Variants in IFI16 observed in about 807,000 individuals in gnomAD.
IFI16 encodes the protein gamma-interferon-inducible protein 16.
A neutral mutation model predicts 68.4 loss-of-function variants in IFI16; 49 were observed. The ratio of observed to expected loss-of-function variants is 0.72; its 90% CI spans 0.57 to 0.91. The LOEUF (loss-of-function observed/expected upper bound fraction) is 0.91, where lower values mean the gene tolerates loss of function less well. IFI16 is among the 40% of genes least tolerant of loss of function. IFI16 has a pLI of 0.00. For missense variants in IFI16, 878 were observed against 942.9 expected, an observed-to-expected ratio of 0.93 and a Z score of 0.90; for synonymous variants, 307 against 315.0, an observed-to-expected ratio of 0.97 and a Z score of 0.27.
intron 1 of IFI16, among the ~76,000 whole-genome samples, chr1:159,011,091 T>C (rs922906671): frequency 6.6e-6 from 1 of 152,170 alleles, no homozygotes; most frequent in Non-Finnish European, 1.5e-5. Context: ...TTATAAAGTT[T>C]GCTTTTTTGG....
At chr1:159,044,187 CAT>C (rs1401383653) in intron 7 of IFI16, among the ~76,000 whole-genome samples, 1 of 152,140 alleles carries the variant, frequency 6.6e-6, no homozygotes, top group African/African-American at 2.4e-5. Flanking sequence ...TCCCATCTCA[CAT>C]GTGGGAAAAC....
intron 8 of IFI16, among the ~76,000 whole-genome samples, chr1:159,048,967 G>T (rs1307964061): frequency 2.0e-5 from 3 of 151,352 alleles, no homozygotes; most frequent in African/African-American, 4.8e-5. Context: ...TCCTGTTATG[G>T]CTACGATCAG....
At chr1:159,029,548 G>T (rs1392280603) in intron 6 of IFI16, among the ~76,000 whole-genome samples, 1 of 152,064 alleles carries the variant, frequency 6.6e-6, no homozygotes, top group Non-Finnish European at 1.5e-5. Context: ...GGAAAGCCAG[G>T]GAAGTTTTCC....
chr1:159,051,998 C>T lies in IFI16; in HGVS notation c.1985C>T (p.Pro662Leu), dbSNP rs1655393656. Residue 662 changes from proline to leucine, a missense_variant, in exon 10 of 12, where the codon CCA (proline) becomes CTA (leucine). Physicochemically the swap from Pro to Leu is moderately conservative, Grantham distance 98. This residue lies in a region of IFI16 where 311 missense variants were observed against 305.1 expected (regional missense o/e 1.02). Coordinates refer to ENST00000295809, the MANE Select transcript of IFI16 (RefSeq NM_001376587.1). The stretch of plus-strand genomic sequence containing the variant: ...AATGCTGACCGAAACATGGAGATCC[C>T]AAAAGGATTGATTAGAAGTGCCAGC... ...DVNADRNMEI[P>L]KGLIRSASVT... 1 of 1,613,974 alleles carries T rather than the reference C, an allele frequency of 6.2e-7. No individual in the cohort carries two copies. The highest frequency in any genetic ancestry group is 8.5e-7 in the Non-Finnish European group (1 of 1,179,916).
chr1:159,016,527 T>C lies in IFI16; in HGVS notation c.382-6T>C. On this transcript the variant is annotated splice_region_variant and splice_polypyrimidine_tract_variant and intron_variant, in intron 3 of 11. Transcript: ENST00000295809. ...ACGAATAACAGGAAAATCAAACCAC[T>C]TTCAGAAAAGAAAAAAATCAACCAA... The C allele has an allele frequency of 6.2e-7, 1 of 1,602,524 alleles. No individual in the cohort carries two copies. The highest frequency in any genetic ancestry group is 8.5e-7 in the Non-Finnish European group (1 of 1,175,754).
chr1:159,004,983 T>C (rs905541502), upstream of IFI16, among the ~76,000 whole-genome samples: 6 of 152,202 alleles, frequency 3.9e-5, no homozygotes, highest in Non-Finnish European at 8.8e-5. Flanking sequence ...TCAAAAATAA[T>C]GTTGAAACTT....
At chr1:159,017,059 G>A (rs1368373745) in intron 4 of IFI16, among the ~76,000 whole-genome samples, 1 of 152,152 alleles carries the variant, frequency 6.6e-6, no homozygotes, top group Non-Finnish European at 1.5e-5. Context: ...TTGTGAATGA[G>A]GTTATCCATA....
chr1:159,015,062 C>G (rs1256904245), intron 2 of IFI16, 117 bp downstream of exon 2: 1 of 971,124 alleles, frequency 1.0e-6, no homozygotes, highest in Admixed American at 2.4e-5. Context: ...TGTGACTCAA[C>G]AGCTGAGACA....
chr1:159,035,717 C>T (rs1654286212), intron 7 of IFI16, among the ~76,000 whole-genome samples: 1 of 150,798 alleles, frequency 6.6e-6, no homozygotes, highest in African/African-American at 2.4e-5. Context: ...GCTCTATATT[C>T]ATTGAGATTT....
chr1:159,020,846 CG>C (rs1389882969), intron 6 of IFI16, among the ~76,000 whole-genome samples: 103 of 148,824 alleles, frequency 6.9e-4, no homozygotes, highest in Non-Finnish European at 1.3e-3. Context: ...TAGAAAACGT[CG>C]TGTGTGTGTG....
intron 7 of IFI16, among the ~76,000 whole-genome samples, chr1:159,044,790 T>G (rs1654878958): frequency 6.6e-6 from 1 of 152,188 alleles, no homozygotes; most frequent in Non-Finnish European, 1.5e-5. Flanking sequence ...TCATAGAACC[T>G]TCCCTGAGGA....
chr1:159,006,717 T>C (rs938005877), upstream of IFI16, among the ~76,000 whole-genome samples: 67 of 152,142 alleles, frequency 4.4e-4, no homozygotes, highest in African/African-American at 1.5e-3. Flanking sequence ...CGAGTTAGAG[T>C]AAAAACAAGG....
chr1:159,028,314 G>T (rs1353162297), intron 6 of IFI16, among the ~76,000 whole-genome samples: 1 of 152,014 alleles, frequency 6.6e-6, no homozygotes, highest in Non-Finnish European at 1.5e-5. Context: ...CCATGTATTT[G>T]CATGGTTTTA....
chr1:159,027,657 C>G (rs576627609), intron 6 of IFI16, among the ~76,000 whole-genome samples: 55 of 152,198 alleles, frequency 3.6e-4, no homozygotes, highest in African/African-American at 1.3e-3. Context: ...TCCATCTGGT[C>G]CTGGGCTTTT....
rs1250012196 is a variant in IFI16, at chr1:159,054,914, A to T, written c.*13A>T. The T allele has an allele frequency of 1.4e-6, 2 of 1,469,742 alleles. No homozygotes were observed. The highest frequency in any genetic ancestry group is 2.3e-5 in the East Asian group (1 of 44,092). The allele number at this position is 1,469,742 out of a possible 1,614,324, so 91.0% of individuals were successfully genotyped here. On this transcript the variant is annotated 3_prime_UTR_variant, in exon 12 of 12. Transcript: ENST00000295809. The stretch of plus-strand genomic sequence containing the variant: ...CTTTTTCTTCTAAAATCTGGATGTC[A>T]TTGACGATAATGTTTATGGAGATAA...
chr1:159,034,260 T>A (rs1279871542), intron 7 of IFI16, among the ~76,000 whole-genome samples: 1 of 152,192 alleles, frequency 6.6e-6, no homozygotes, highest in Admixed American at 6.5e-5. Context: ...AGTAATTTAA[T>A]CAAGTAAAAT....
At chr1:159,039,320 T>C (rs938848495) in intron 7 of IFI16, among the ~76,000 whole-genome samples, 2 of 152,078 alleles carry the variant, frequency 1.3e-5, no homozygotes, top group African/African-American at 4.8e-5. Context: ...ACCAAACCTA[T>C]ATAGATACAG....
At chr1:159,012,885 A>G (rs1652659441) in intron 1 of IFI16, among the ~76,000 whole-genome samples, 1 of 152,178 alleles carries the variant, frequency 6.6e-6, no homozygotes, top group Non-Finnish European at 1.5e-5. Flanking sequence ...TTTCCATTGA[A>G]AATTTTTTTT....
chr1:159,037,724 T>C (rs1654408947), intron 7 of IFI16, among the ~76,000 whole-genome samples: 1 of 141,246 alleles, frequency 7.1e-6, no homozygotes, highest in Non-Finnish European at 1.6e-5. Flanking sequence ...GACAGTTTTA[T>C]CAATGCTATT....
Sources: gnomAD v4.1 joint callset for allele counts (sites outside exome capture counted in the v4.1 genomes callset) on GRCh38, gnomAD v4.1.1 for gene constraint, gnomAD v4.1.1 regional missense constraint, MANE v1.5 for transcripts, NCBI Gene and HGNC (gene_info 2026-07-23, HGNC 2026-07-21) for gene names.